Variants in RPTOR observed in about 807,000 individuals in gnomAD.
RPTOR encodes the protein regulatory-associated protein of mTOR.
Under a neutral mutation model 169.9 loss-of-function variants are expected in RPTOR, and 21 were observed. The ratio of observed to expected loss-of-function variants is 0.12; its 90% confidence interval spans 0.09 to 0.18. The LOEUF is 0.18. RPTOR is among the 10% of genes least tolerant of loss of function. The probability of loss-of-function intolerance (pLI) is 1.00; values close to 1 mark genes in which losing one functional copy is unlikely to be tolerated. For missense variants in RPTOR, 1,133 were observed against 1,855.9 expected (o/e 0.61, Z 7.16); for synonymous variants, 732 against 753.2 (o/e 0.97, Z 0.46).
chr17:80,732,360 A>G (rs2143212216), intron 5 of RPTOR, among the ~76,000 whole-genome samples: 1 of 152,306 alleles, frequency 6.6e-6, no homozygotes, highest in South Asian at 2.1e-4. Context: ...GCTCATGCAT[A>G]ATACCAAATG....
chr17:80,964,201 C>G, intron 33 of RPTOR, 61 bp from the exon 34 acceptor site: 1 of 1,213,858 alleles, frequency 8.2e-7, no homozygotes, highest in Non-Finnish European at 1.2e-6. Flanking sequence ...CTGCGCCCCC[C>G]CGCCCCCCGC....
At chr17:80,750,427 T>C (rs62069370) in intron 5 of RPTOR, among the ~76,000 whole-genome samples, 8,008 of 152,302 alleles carry the variant, frequency 0.053, 266 homozygotes, top group Non-Finnish European at 0.079. Context: ...GACTGTGTGC[T>C]TCACTCCACG....
In RPTOR at chr17:80,861,289, CT is replaced by C. The variant is rs1390331822; in HGVS notation, c.1509+3390del. Among the ~76,000 whole-genome samples, 2 of 144,616 alleles carry C rather than the reference CT, an allele frequency of 1.4e-5. 1 individual carries two copies. Among genetic ancestry groups the C allele is most frequent in the Non-Finnish European group, 3.1e-5 (2 of 64,008 alleles). 94.9% of individuals were successfully genotyped at this position (144,616 alleles called of 152,430 possible). On this transcript the variant is annotated intron_variant, in intron 13 of 33. Transcript: ENST00000306801. This position sits in a 1 kb window ranked among gnomAD's most constrained non-coding sequence, Gnocchi z 4.5. The stretch of plus-strand genomic sequence containing the variant: ...CTCAGAACCAGGACGTGGAAAACTG[CT>C]GTGTAAATTATAGAGGAACAGGAAC...
At chr17:80,852,465 C>T (rs1046916265) in intron 11 of RPTOR, among the ~76,000 whole-genome samples, 6 of 152,088 alleles carry the variant, frequency 3.9e-5, no homozygotes, top group Admixed American at 3.9e-4. Context: ...TGCGAGCAGT[C>T]CCACGTTCCT....
intron 20 of RPTOR, among the ~76,000 whole-genome samples, chr17:80,894,310 C>G (rs941280784): frequency 3.3e-5 from 5 of 152,178 alleles, no homozygotes; most frequent in African/African-American, 4.8e-5. Context: ...CTCACATCCC[C>G]TGGTGCCCAG....
rs182239926 is a variant in RPTOR at position 80,758,940 on chromosome 17, T to A, written c.830+4755T>A. Among the ~76,000 whole-genome samples the A allele has an allele frequency of 1.7e-3, 258 of 151,250 alleles. 1 individual carries two copies. Among genetic ancestry groups the A allele is most frequent in the African/African-American group, 6.1e-3 (250 of 41,124 alleles). ...TCCTGTGCCTTCCCTGCCGCCCCAC[T>A]CCAGCTACCTGTCACTAAACCCAGT... On this transcript the variant is annotated intron_variant, in intron 6 of 33. Coordinates refer to ENST00000306801, the MANE Select transcript of RPTOR (RefSeq NM_020761.3).
At chr17:80,890,928 A>G (rs2068314595) in intron 17 of RPTOR, among the ~76,000 whole-genome samples, 1 of 152,198 alleles carries the variant, frequency 6.6e-6, no homozygotes, top group African/African-American at 2.4e-5. Context: ...TCACGCGACT[A>G]GCAAGGGGTC....
At chr17:80,931,651 G>A (rs1464732939) in intron 24 of RPTOR, among the ~76,000 whole-genome samples, 1 of 152,216 alleles carries the variant, frequency 6.6e-6, no homozygotes, top group East Asian at 1.9e-4. Context: ...TGCCACAGAA[G>A]AACTGCAAAA....
At position 80,544,891 on chromosome 17, in the gene RPTOR, A is replaced by T. The variant is rs553409502; in HGVS notation, c.-739A>T. The T allele has an allele frequency of 4.4e-6, 1 of 225,788 alleles. No individual in the cohort carries two copies. The highest frequency in any genetic ancestry group is 8.8e-6 in the Non-Finnish European group (1 of 113,168). The allele number at this position is 225,788 out of a possible 1,614,324, so 14.0% of individuals were successfully genotyped here. A position where few individuals can be genotyped will look rare whatever the true frequency, so the allele number is the denominator to read the frequency against. On this transcript the variant is annotated 5_prime_UTR_variant, in exon 1 of 34. Transcript: ENST00000306801. Reference sequence around the variant, plus strand: ...GGGCTGATGAGATGAGTTTCACTGTAGCTCCAAACCAGAGGGCAAAGCTCC... The same window carrying T: ...GGGCTGATGAGATGAGTTTCACTGTTGCTCCAAACCAGAGGGCAAAGCTCC...
At chr17:80,661,531 A>G (rs2065723927) in intron 3 of RPTOR, among the ~76,000 whole-genome samples, 1 of 152,124 alleles carries the variant, frequency 6.6e-6, no homozygotes. Flanking sequence ...TGAGTTGGGG[A>G]GACCTGGTGT....
intron 13 of RPTOR, among the ~76,000 whole-genome samples, chr17:80,864,524 A>C (rs934063109): frequency 6.6e-6 from 1 of 151,142 alleles, no homozygotes; most frequent in Non-Finnish European, 1.5e-5. Context: ...AAAAACTGTC[A>C]ACCTAGAATT....
At chr17:80,686,961 G>A (rs2065952972) in intron 3 of RPTOR, among the ~76,000 whole-genome samples, 1 of 146,386 alleles carries the variant, frequency 6.8e-6, no homozygotes. Context: ...TCCAGTCAGA[G>A]CTGATGGCAA....
intron 3 of RPTOR, among the ~76,000 whole-genome samples, chr17:80,654,573 C>T (rs1025982965): frequency 1.3e-5 from 2 of 152,180 alleles, no homozygotes; most frequent in African/African-American, 4.8e-5. Context: ...ATAGCAGAAC[C>T]GGGAGGATTA....
At chr17:80,764,376 T>C (rs2066766225) in intron 6 of RPTOR, among the ~76,000 whole-genome samples, 2 of 145,792 alleles carry the variant, frequency 1.4e-5, no homozygotes, top group African/African-American at 5.1e-5. Context: ...GTGTTCTCAT[T>C]GTTCAGTTCC....
Position 80,792,685 on chromosome 17 carries a change from T to A in RPTOR, c.890+1176T>A, listed in dbSNP as rs971495441. Among the ~76,000 whole-genome samples, 194 of 150,120 alleles carry A rather than the reference T, an allele frequency of 1.3e-3. 2 individuals carry two copies. The highest frequency in any genetic ancestry group is 2.4e-3 in the Non-Finnish European group (164 of 67,356). ...AGAAGCATCACGTGGAAAATAACTT[T>A]AAAAAAAAAATGGGACTAGATGATC... On this transcript the variant is annotated intron_variant, in intron 7 of 33. Coordinates refer to ENST00000306801, the MANE Select transcript of RPTOR (RefSeq NM_020761.3).
intron 5 of RPTOR, among the ~76,000 whole-genome samples, chr17:80,745,737 G>A (rs188664152): frequency 2.0e-4 from 31 of 152,334 alleles, no homozygotes; most frequent in Non-Finnish European, 3.2e-4. Context: ...AAGTGTTACC[G>A]AGGAGATGCT....
In RPTOR at chr17:80,562,225, A is replaced by G. The variant is rs1221238257; in HGVS notation, c.162+16434A>G. Among the ~76,000 whole-genome samples the G allele has an allele frequency of 6.6e-6, 1 of 152,174 alleles. No homozygotes were observed. The highest frequency in any genetic ancestry group is 6.5e-5 in the Admixed American group (1 of 15,274). On this transcript the variant is annotated intron_variant, in intron 1 of 33. Transcript: ENST00000306801. This position sits in a 1 kb window ranked among gnomAD's most constrained non-coding sequence, Gnocchi z 4.4. ...GCCTCCTAACTGGATGTAGGAGAGA[A>G]AAACAAGATACACCAGGCATTTGGA...
In RPTOR at chr17:80,647,784, A is replaced by G. The variant is rs143102374; in HGVS notation, c.348+3974A>G. ...GTAGGAGCTCATTCTCATCTTGTCCAGGTCTGCGAGTAGTGAAGGCAGCAA... is the reference window on the plus strand; with the variant it reads ...GTAGGAGCTCATTCTCATCTTGTCCGGGTCTGCGAGTAGTGAAGGCAGCAA... On this transcript the variant is annotated intron_variant, in intron 3 of 33. Coordinates refer to ENST00000306801, the MANE Select transcript of RPTOR (RefSeq NM_020761.3). 3.7e-3 allele frequency among the ~76,000 whole-genome samples: 564 copies of G among 152,246 alleles called. 3 individuals are homozygous for G. Among genetic ancestry groups the G allele is most frequent in the African/African-American group, 0.013 (532 of 41,548 alleles).
chr17:80,893,127 G>A (rs1427283118), intron 19 of RPTOR, among the ~76,000 whole-genome samples: 1 of 152,254 alleles, frequency 6.6e-6, no homozygotes, highest in African/African-American at 2.4e-5. Context: ...TTGAGGCGGT[G>A]GCTCCTTGGA....
Sources: allele counts gnomAD v4.1 joint callset (sites outside exome capture counted in the v4.1 genomes callset), GRCh38; gene constraint gnomAD v4.1.1; non-coding constraint Gnocchi (gnomAD v3.1); transcripts MANE v1.5; gene names NCBI Gene and HGNC (gene_info 2026-07-23, HGNC 2026-07-21).